EPHB2: variants seen among roughly 807,000 people sequenced by gnomAD.
EPHB2 encodes the protein ephrin type-B receptor 2.
In EPHB2, 18 loss-of-function variants were observed where a neutral mutation model predicts 96.4. That is an observed-to-expected ratio of 0.19 (90% CI 0.13 to 0.28). EPHB2 has a LOEUF of 0.28. Ranked by LOEUF, EPHB2 falls within the 10% of genes least tolerant of loss-of-function variation. The pLI, the probability that EPHB2 is intolerant of heterozygous loss-of-function variation, is 1.00. For synonymous variants in EPHB2, 506 were observed against 534.1 expected (o/e 0.95, Z 0.72); for missense variants, 989 against 1,355.4 (o/e 0.73, Z 4.25).
At chr1:22,827,169 C>G (rs1645236470) in intron 3 of EPHB2, among the ~76,000 whole-genome samples, 1 of 152,260 alleles carries the variant, frequency 6.6e-6, no homozygotes, top group South Asian at 2.1e-4. Flanking sequence ...CACATTTCTT[C>G]AGATCCAGCT....
chr1:22,771,035 A>C (rs1018100220), intron 1 of EPHB2, among the ~76,000 whole-genome samples: 2 of 152,200 alleles, frequency 1.3e-5, no homozygotes, highest in African/African-American at 4.8e-5. Context: ...GATACCAGCG[A>C]CTGCATTTCC....
intron 3 of EPHB2, among the ~76,000 whole-genome samples, chr1:22,803,667 ATATGTG>A (rs1371151800): frequency 1.0e-4 from 14 of 138,506 alleles, no homozygotes; most frequent in African/African-American, 1.8e-4. Context: ...ATGTGTATAT[ATATGTG>A]TGTATATATG....
chr1:22,871,527 C>A (rs532067011), intron 5 of EPHB2, among the ~76,000 whole-genome samples: 1 of 152,314 alleles, frequency 6.6e-6, no homozygotes, highest in East Asian at 1.9e-4. Flanking sequence ...CCATCACCTA[C>A]AAAATGGGCA....
chr1:22,751,684 C>G (rs539055861), intron 1 of EPHB2, among the ~76,000 whole-genome samples: 1 of 152,266 alleles, frequency 6.6e-6, no homozygotes, highest in South Asian at 2.1e-4. Flanking sequence ...GATGCTTAGC[C>G]CCTGCAAGCT....
intron 1 of EPHB2, among the ~76,000 whole-genome samples, chr1:22,779,890 C>T (rs1229756842): frequency 6.6e-6 from 1 of 152,214 alleles, no homozygotes; most frequent in Non-Finnish European, 1.5e-5. Context: ...AGAATTGGAG[C>T]ATGGCAACAA....
chr1:22,760,043 A>G (rs1290442127), intron 1 of EPHB2, among the ~76,000 whole-genome samples: 1 of 152,194 alleles, frequency 6.6e-6, no homozygotes, highest in Non-Finnish European at 1.5e-5. Context: ...TTTGCTATAG[A>G]GGCCAAACCT....
intron 3 of EPHB2, among the ~76,000 whole-genome samples, chr1:22,804,855 C>T (rs1644901133): frequency 6.6e-6 from 1 of 151,878 alleles, no homozygotes; most frequent in African/African-American, 2.4e-5. Flanking sequence ...CTCTGTTTCT[C>T]TCTCTCCCTC....
intron 9 of EPHB2, among the ~76,000 whole-genome samples, chr1:22,901,559 T>C (rs1639747871): frequency 6.6e-6 from 1 of 152,104 alleles, no homozygotes; most frequent in African/African-American, 2.4e-5. Flanking sequence ...AGCCCAGGAT[T>C]TTCTGTAGCC....
Position 22,913,037 on chromosome 1 carries a change from C to CA in EPHB2, c.2853-419dup. ...GTGAAACCCCGTCTCTACTAAAATGCAAAAAATTAGCCACGCAAGGTGGCA... is the reference window on the plus strand; with the variant it reads ...GTGAAACCCCGTCTCTACTAAAATGCAAAAAAATTAGCCACGCAAGGTGGCA... On this transcript the variant is annotated intron_variant, in intron 15 of 15. Coordinates refer to ENST00000374630, the MANE Select transcript of EPHB2 (RefSeq NM_017449.5). This position sits in a 1 kb window ranked among gnomAD's most constrained non-coding sequence, Gnocchi z 4.1. 2 of 348,192 alleles carry CA rather than the reference C, an allele frequency of 5.7e-6. No homozygotes were observed. Among genetic ancestry groups the CA allele is most frequent in the Non-Finnish European group, 1.1e-5 (2 of 178,848 alleles). The allele number at this position is 348,192 out of a possible 1,614,324, so 21.6% of individuals were successfully genotyped here. A position where few individuals can be genotyped will look rare whatever the true frequency, so the allele number is the denominator to read the frequency against.
At chr1:22,850,900 T>C (rs1166982285) in intron 3 of EPHB2, among the ~76,000 whole-genome samples, 1 of 152,152 alleles carries the variant, frequency 6.6e-6, no homozygotes, top group Non-Finnish European at 1.5e-5. Flanking sequence ...GTGGCTCAGC[T>C]GGAGTGGGCA....
intron 1 of EPHB2, among the ~76,000 whole-genome samples, chr1:22,712,553 T>C (rs2148327573): frequency 6.6e-6 from 1 of 152,052 alleles, no homozygotes; most frequent in South Asian, 2.1e-4. Context: ...CTTTCGGTAA[T>C]GAGCACTTTA....
intron 9 of EPHB2, among the ~76,000 whole-genome samples, chr1:22,897,527 C>T (rs1408391809): frequency 6.6e-6 from 1 of 152,140 alleles, no homozygotes; most frequent in Non-Finnish European, 1.5e-5. Flanking sequence ...GTAGCTCACA[C>T]CTGTAATCCC....
At chr1:22,880,311 T>C (rs1638994520) in intron 5 of EPHB2, among the ~76,000 whole-genome samples, 1 of 152,222 alleles carries the variant, frequency 6.6e-6, no homozygotes, top group Non-Finnish European at 1.5e-5. Context: ...CTACCAGGCC[T>C]GCTCCACACT....
intron 1 of EPHB2, among the ~76,000 whole-genome samples, chr1:22,725,289 A>G (rs1643557226): frequency 6.6e-6 from 1 of 152,006 alleles, no homozygotes; most frequent in Non-Finnish European, 1.5e-5. Flanking sequence ...GGTTGGGTGA[A>G]TGACGGGCAG....
intron 3 of EPHB2, among the ~76,000 whole-genome samples, chr1:22,788,034 A>T (rs1644637081): frequency 6.6e-6 from 1 of 152,240 alleles, no homozygotes; most frequent in Admixed American, 6.5e-5. Flanking sequence ...GACAGAAGCC[A>T]CAATCTTTTA....
At chr1:22,720,298 A>C (rs1570146618) in intron 1 of EPHB2, among the ~76,000 whole-genome samples, 1 of 152,200 alleles carries the variant, frequency 6.6e-6, no homozygotes, top group African/African-American at 2.4e-5. Context: ...GAAAAGGAAA[A>C]TATACTGGGC....
intron 9 of EPHB2, among the ~76,000 whole-genome samples, 190 bp from the exon 10 acceptor site, chr1:22,905,797 C>G (rs2124097787): frequency 6.6e-6 from 1 of 152,342 alleles, no homozygotes; most frequent in South Asian, 2.1e-4. Context: ...GTTCCCCTCA[C>G]CTCCTACTCA....
At chr1:22,885,294 A>G (rs1174039220) in intron 6 of EPHB2, among the ~76,000 whole-genome samples, 1 of 152,228 alleles carries the variant, frequency 6.6e-6, no homozygotes, top group Non-Finnish European at 1.5e-5. Context: ...AAGACGGGCA[A>G]CGGAAATGAG....
intron 3 of EPHB2, among the ~76,000 whole-genome samples, chr1:22,819,889 A>G (rs1322909161): frequency 6.6e-6 from 1 of 151,910 alleles, no homozygotes; most frequent in Non-Finnish European, 1.5e-5. Flanking sequence ...CAGTTAGACC[A>G]AAAGATGAGT....
Sources: allele counts gnomAD v4.1 joint callset (sites outside exome capture counted in the v4.1 genomes callset), GRCh38; gene constraint gnomAD v4.1.1; non-coding constraint Gnocchi (gnomAD v3.1); transcripts MANE v1.5; gene names NCBI Gene and HGNC (gene_info 2026-07-23, HGNC 2026-07-21).